The following PRDM15 variants were observed in gnomAD, a reference collection of about 807,000 sequenced individuals.
The protein encoded by PRDM15 is PR domain zinc finger protein 15.
Under a neutral mutation model 128.6 loss-of-function variants are expected in PRDM15, and 64 were observed. The ratio of observed to expected loss-of-function variants is 0.50; its 90% CI spans 0.41 to 0.61. The LOEUF (loss-of-function observed/expected upper bound fraction) is 0.61, where lower values mean the gene tolerates loss of function less well. Ranked by LOEUF, PRDM15 falls within the 20% of genes least tolerant of loss-of-function variation. PRDM15 has a pLI of 0.00. For missense variants in PRDM15, 1,242 were observed against 1,569.1 expected, an observed-to-expected ratio of 0.79 and a Z score of 3.52; for synonymous variants, 615 against 621.8, an observed-to-expected ratio of 0.99 and a Z score of 0.16.
At chr21:41,820,071 C>T in intron 17 of PRDM15, 24 bp downstream of exon 17, 1 of 1,607,888 alleles carries the variant, frequency 6.2e-7, no homozygotes, top group Non-Finnish European at 8.5e-7. Flanking sequence ...AGGGCCGGGA[C>T]CCCAAATGCT....
intron 22 of PRDM15, chr21:41,803,187 T>A: frequency 2.0e-6 from 1 of 503,948 alleles, no homozygotes; most frequent in African/African-American, 1.9e-5. Context: ...TAAACACTTC[T>A]TAGAAACTTA....
At chr21:41,845,322 C>G (rs1450043570) in intron 6 of PRDM15, among the ~76,000 whole-genome samples, 1 of 133,652 alleles carries the variant, frequency 7.5e-6, no homozygotes, top group South Asian at 2.8e-4. Flanking sequence ...GCCCCTCCCC[C>G]TCACAGGGAC....
chr21:41,835,427 G>A lies in PRDM15; in HGVS notation c.1366+10C>T. ...CAGCGGCCGAGGGGAGACGTGACCG[G>A]CGCCCTCACCTGTCCTGCAGTTGTG... On this transcript the variant is annotated intron_variant, in intron 11 of 23. Transcript: ENST00000398548. The A allele has an allele frequency of 6.2e-7, 1 of 1,602,232 alleles. No homozygotes were observed. Among genetic ancestry groups the A allele is most frequent in the Non-Finnish European group, 8.5e-7 (1 of 1,175,626 alleles).
At chr21:41,841,050 A>T (rs1211058893) in intron 6 of PRDM15, among the ~76,000 whole-genome samples, 1 of 152,224 alleles carries the variant, frequency 6.6e-6, no homozygotes, top group Admixed American at 6.5e-5. Context: ...TATAACAAGA[A>T]GGTCTAAAAC....
intron 4 of PRDM15, among the ~76,000 whole-genome samples, chr21:41,855,546 A>G (rs1032234993): frequency 5.3e-5 from 8 of 152,150 alleles, no homozygotes; most frequent in African/African-American, 1.9e-4. Context: ...AGTGAGAGGC[A>G]GGGGTGGGGG....
At chr21:41,804,971 C>T (rs1019653011) in intron 21 of PRDM15, among the ~76,000 whole-genome samples, 2 of 152,348 alleles carry the variant, frequency 1.3e-5, no homozygotes, top group East Asian at 1.9e-4. Context: ...GGTAAAGATA[C>T]AGTAGAGTAA....
chr21:41,806,913 C>T (rs2061695697), intron 21 of PRDM15, among the ~76,000 whole-genome samples: 1 of 150,768 alleles, frequency 6.6e-6, no homozygotes, highest in African/African-American at 2.5e-5. Context: ...TCACCACTAC[C>T]ATCCCTATCA....
In PRDM15 at chr21:41,800,690, C is replaced by T. The variant is rs1173782989; in HGVS notation, c.*550G>A. ...TTTCAGCCCATAGTTGTATAAGAACCGACTCCACTCCTAGTTCAAAGAGAA... is the reference window on the plus strand; with the variant it reads ...TTTCAGCCCATAGTTGTATAAGAACTGACTCCACTCCTAGTTCAAAGAGAA... On this transcript the variant is annotated 3_prime_UTR_variant, in exon 24 of 24. Transcript: ENST00000398548. The T allele has an allele frequency of 6.6e-6, 1 of 152,312 alleles. No individual in the cohort carries two copies. Among genetic ancestry groups the T allele is most frequent in the African/African-American group, 2.4e-5 (1 of 41,396 alleles). The allele number at this position is 152,312 out of a possible 1,614,324, so 9.4% of individuals were successfully genotyped here.
At chr21:41,843,111 T>TTTTG (rs147452558) in intron 6 of PRDM15, among the ~76,000 whole-genome samples, 8,961 of 151,944 alleles carry the variant, frequency 0.059, 319 homozygotes, top group East Asian at 0.15. Flanking sequence ...TTGTTTGTTT[T>TTTTG]TTTGTTTGTT....
intron 1 of PRDM15, chr21:41,861,498 A>T: frequency 7.2e-7 from 1 of 1,386,004 alleles, no homozygotes; most frequent in Non-Finnish European, 1.0e-6. Context: ...AGTGAGATAC[A>T]CACAGTATGT....
intron 1 of PRDM15, chr21:41,872,073 ATTTCT>A (rs1182864540): frequency 6.5e-6 from 1 of 152,896 alleles, no homozygotes; most frequent in African/African-American, 2.4e-5. Flanking sequence ...TCTTAAGAGT[ATTTCT>A]TTTATGATTT....
chr21:41,835,408 C>T, intron 11 of PRDM15, 29 bp downstream of exon 11: 2 of 1,583,868 alleles, frequency 1.3e-6, no homozygotes, highest in Non-Finnish European at 8.6e-7. Context: ...CGCACAGCGG[C>T]CGAGGGGAGA....
rs754741169 is a variant in PRDM15 at position 41,821,976 on chromosome 21, G to A, written c.1823C>T (p.Ser608Leu). 12 of 1,614,200 alleles carry A rather than the reference G, an allele frequency of 7.4e-6. No individual in the cohort carries two copies. The highest frequency in any genetic ancestry group is 2.2e-5 in the South Asian group (2 of 91,088). The change falls in exon 15 of 24, where the codon TCG becomes TTG. Residue 608 changes from serine (S) to leucine (L), a missense_variant. Physicochemically the swap from Ser to Leu is moderately radical, Grantham distance 145. This residue lies in a region of PRDM15 where 602 missense variants were observed against 788.3 expected (regional missense o/e 0.76). Transcript: ENST00000398548. This position sits in a 1 kb window ranked among gnomAD's most constrained non-coding sequence, Gnocchi z 5.4. ...EEFIGKIGISSEENDDNSDES... is the reference protein window; with the variant it reads ...EEFIGKIGISLEENDDNSDES... ...GTCAGAATTGTCATCGTTTTCTTCC[G>A]AGGAGATCCCGATCTTGCCGATAAA...
chr21:41,816,261 T>C (rs1189933841), intron 18 of PRDM15, among the ~76,000 whole-genome samples: 1 of 152,220 alleles, frequency 6.6e-6, no homozygotes, highest in Non-Finnish European at 1.5e-5. Flanking sequence ...ACCTGTAATT[T>C]AAGAAGCCAA....
chr21:41,805,737 A>G (rs1878193102), intron 21 of PRDM15, among the ~76,000 whole-genome samples: 1 of 151,438 alleles, frequency 6.6e-6, no homozygotes, highest in African/African-American at 2.4e-5. Context: ...CACCACCACC[A>G]TCATCATTAC....
chr21:41,878,910 G>C (rs1330758048), intron 1 of PRDM15: 3 of 952,948 alleles, frequency 3.1e-6, no homozygotes, highest in Non-Finnish European at 3.7e-6. Context: ...GCGGCCCCGC[G>C]CTGGGCCTGG....
At chr21:41,823,579 T>A in intron 13 of PRDM15, 130 bp from the exon 14 acceptor site, 2 of 916,020 alleles carry the variant, frequency 2.2e-6, no homozygotes, top group Non-Finnish European at 3.2e-6. Context: ...GCCTTGCATC[T>A]CCAGTTCCTC....
At chr21:41,861,599 C>T (rs746762698) in intron 1 of PRDM15, 16 of 1,613,704 alleles carry the variant, frequency 9.9e-6, no homozygotes, top group South Asian at 5.5e-5. Context: ...CTCTGATGCC[C>T]GTTGCTGAGT....
intron 18 of PRDM15, among the ~76,000 whole-genome samples, chr21:41,817,194 C>T (rs1330023238): frequency 6.6e-6 from 1 of 152,208 alleles, no homozygotes. Context: ...TGAGTCAATC[C>T]ATTTACAAAT....
Sources: allele counts gnomAD v4.1 joint callset (sites outside exome capture counted in the v4.1 genomes callset), GRCh38; gene constraint gnomAD v4.1.1; regional missense constraint gnomAD v4.1.1; non-coding constraint Gnocchi (gnomAD v3.1); transcripts MANE v1.5; gene names NCBI Gene and HGNC (gene_info 2026-07-23, HGNC 2026-07-21).